Variants in COL23A1 observed in about 807,000 individuals in gnomAD.
The protein encoded by COL23A1 is collagen alpha-1(XXIII) chain.
A neutral mutation model predicts 99.3 loss-of-function variants in COL23A1; 97 were observed. The observed-to-expected ratio is 0.98, with a 90% CI of 0.83 to 1.16. COL23A1 has a LOEUF of 1.16. COL23A1 is among the 50% of genes most tolerant of loss of function. The pLI is 0.00. For missense variants in COL23A1, 762 were observed against 757.4 expected (o/e 1.01, Z -0.07); for synonymous variants, 320 against 308.2 (o/e 1.04, Z -0.40).
In COL23A1 at chr5:178,415,614, C is replaced by G. The variant is rs1765262600; in HGVS notation, c.362-108695G>C. ...CTGCTGGCACCAGAGGACAGTGCTG[C>G]CCCCATCCCGCCCTGGCTCCATGAG... On this transcript the variant is annotated intron_variant, in intron 2 of 28. Coordinates refer to ENST00000390654, the MANE Select transcript of COL23A1 (RefSeq NM_173465.4). The surrounding 1 kb of genome is among the most constrained non-coding windows in gnomAD (Gnocchi z 4.6). Among the ~76,000 whole-genome samples, 2 of 152,184 alleles carry G rather than the reference C, an allele frequency of 1.3e-5. No homozygotes were observed. The highest frequency in any genetic ancestry group is 4.8e-5 in the African/African-American group (2 of 41,454).
At chr5:178,329,763 C>T (rs1334773079) in intron 2 of COL23A1, among the ~76,000 whole-genome samples, 1 of 152,064 alleles carries the variant, frequency 6.6e-6, no homozygotes, top group African/African-American at 2.4e-5. Context: ...ATAGAGAAAC[C>T]CCATCTCTAC....
At chr5:178,456,708 A>G (rs913392693) in intron 2 of COL23A1, among the ~76,000 whole-genome samples, 25 of 151,784 alleles carry the variant, frequency 1.6e-4, no homozygotes, top group African/African-American at 6.1e-4. Context: ...CAAAATAAAC[A>G]AACTCCAGAG....
rs550712956 is a variant in COL23A1 at position 178,378,808 on chromosome 5, C to T, written c.362-71889G>A. ...AATGGAGACCGCTGGCAGGTGGCAG[C>T]GGCCGCAGGACGGAAGATCCTGAGG... On this transcript the variant is annotated intron_variant, in intron 2 of 28. Transcript: ENST00000390654. Among the ~76,000 whole-genome samples, 3 of 152,270 alleles carry T rather than the reference C, an allele frequency of 2.0e-5. No homozygotes were observed. The South Asian group carries it at 6.2e-4, about 32-fold the overall frequency.
chr5:178,451,961 T>C (rs573504181), intron 2 of COL23A1, among the ~76,000 whole-genome samples: 2 of 152,256 alleles, frequency 1.3e-5, no homozygotes, highest in East Asian at 3.9e-4. Flanking sequence ...ATAAATTTAA[T>C]ATAATTCACA....
chr5:178,469,346 G>A (rs986813205), intron 2 of COL23A1, among the ~76,000 whole-genome samples: 12 of 152,038 alleles, frequency 7.9e-5, no homozygotes, highest in African/African-American at 2.9e-4. Flanking sequence ...AGGCTCCTGC[G>A]GCTCCTCTCC....
At chr5:178,311,109 G>A (rs1260304277) in intron 2 of COL23A1, among the ~76,000 whole-genome samples, 8 of 152,146 alleles carry the variant, frequency 5.3e-5, no homozygotes, top group Non-Finnish European at 1.2e-4. Context: ...TCTGAGCTAG[G>A]GGCTGGCTGC....
At chr5:178,585,886 C>T (rs1323886794) in intron 1 of COL23A1, among the ~76,000 whole-genome samples, 2 of 152,220 alleles carry the variant, frequency 1.3e-5, no homozygotes, top group Non-Finnish European at 1.5e-5. Context: ...ATTACCCTTG[C>T]CAGTGAAGGG....
chr5:178,452,116 T>C (rs1767523634), intron 2 of COL23A1, among the ~76,000 whole-genome samples: 1 of 152,082 alleles, frequency 6.6e-6, no homozygotes, highest in African/African-American at 2.4e-5. Flanking sequence ...CGATGTATTA[T>C]AAAGTCTAGG....
chr5:178,445,533 C>T (rs1218228903), intron 2 of COL23A1, among the ~76,000 whole-genome samples: 2 of 152,090 alleles, frequency 1.3e-5, no homozygotes, highest in East Asian at 3.8e-4. Context: ...GGAAATCGTA[C>T]TAAATTTATA....
At position 178,312,126 on chromosome 5, in the gene COL23A1, C is replaced by T. The variant is rs76941138; in HGVS notation, c.362-5207G>A. Among the ~76,000 whole-genome samples the T allele has an allele frequency of 1.2e-3, 178 of 152,300 alleles. 1 individual carries two copies. Among genetic ancestry groups the T allele is most frequent in the African/African-American group, 3.9e-3 (164 of 41,552 alleles). On this transcript the variant is annotated intron_variant, in intron 2 of 28. Coordinates refer to ENST00000390654, the MANE Select transcript of COL23A1 (RefSeq NM_173465.4). Reference sequence around the variant, plus strand: ...TGCAGGCAGGTTCGAGGTGCTGAGACGCCGACGGAGCCCTTGACTGCACTT... The same window carrying T: ...TGCAGGCAGGTTCGAGGTGCTGAGATGCCGACGGAGCCCTTGACTGCACTT...
At chr5:178,479,017 ATGTG>A (rs1262174246) in intron 2 of COL23A1, among the ~76,000 whole-genome samples, 1 of 152,004 alleles carries the variant, frequency 6.6e-6, no homozygotes, top group Non-Finnish European at 1.5e-5. Flanking sequence ...TTCCTGGGCC[ATGTG>A]AGGCCCAGGG....
intron 3 of COL23A1, among the ~76,000 whole-genome samples, chr5:178,290,814 G>C (rs972445426): frequency 6.6e-6 from 1 of 152,154 alleles, no homozygotes; most frequent in East Asian, 1.9e-4. Flanking sequence ...CAGGCTTTTT[G>C]GGGGAGGGGG....
rs80236907 is a variant in COL23A1, at chr5:178,327,399, T to C, written c.362-20480A>G. On this transcript the variant is annotated intron_variant, in intron 2 of 28. Coordinates refer to ENST00000390654, the MANE Select transcript of COL23A1 (RefSeq NM_173465.4). The stretch of plus-strand genomic sequence containing the variant: ...CAGAAGGGGCTACGGAAAACACCTA[T>C]GGAAAACCTGCCCACCTCTCCCTGT... Among the ~76,000 whole-genome samples the C allele has an allele frequency of 6.9e-3, 1,053 of 152,224 alleles. 17 individuals are homozygous for C. The highest frequency in any genetic ancestry group is 0.024 in the African/African-American group (1,012 of 41,524).
At chr5:178,273,663 G>C (rs923009415) in intron 5 of COL23A1, among the ~76,000 whole-genome samples, 2 of 152,224 alleles carry the variant, frequency 1.3e-5, no homozygotes, top group South Asian at 4.1e-4. Context: ...ACAGCAGACG[G>C]GGCTGGGCCA....
intron 2 of COL23A1, among the ~76,000 whole-genome samples, chr5:178,383,572 C>T (rs764928321): frequency 8.5e-5 from 13 of 152,204 alleles, no homozygotes; most frequent in Admixed American, 4.6e-4. Flanking sequence ...AAGACTGTCC[C>T]GTTGTTTCTT....
intron 2 of COL23A1, among the ~76,000 whole-genome samples, chr5:178,397,604 A>G (rs973055378): frequency 9.8e-5 from 15 of 152,358 alleles, no homozygotes; most frequent in African/African-American, 3.6e-4. Context: ...GTTACATGCC[A>G]TAAATGCACC....
Position 178,381,290 on chromosome 5 carries a change from T to A in COL23A1, c.362-74371A>T, listed in dbSNP as rs371992195. ...TCAGGATGTAGGGAAGTGTGGAAGC[T>A]GCACCAGCCCAGGGGACCCTGCCGG... On this transcript the variant is annotated intron_variant, in intron 2 of 28. Coordinates refer to ENST00000390654, the MANE Select transcript of COL23A1 (RefSeq NM_173465.4). 7.0e-4 allele frequency among the ~76,000 whole-genome samples: 106 copies of A among 152,306 alleles called. 1 individual carries two copies. The highest frequency in any genetic ancestry group is 2.3e-3 in the African/African-American group (95 of 41,576).
In COL23A1 at chr5:178,386,592, C is replaced by A. The variant is rs116287949; in HGVS notation, c.362-79673G>T. 6.7e-3 allele frequency among the ~76,000 whole-genome samples: 1,021 copies of A among 151,560 alleles called. 8 individuals carry two copies. The highest frequency in any genetic ancestry group is 0.024 in the African/African-American group (975 of 41,314). On this transcript the variant is annotated intron_variant, in intron 2 of 28. Transcript: ENST00000390654. The stretch of plus-strand genomic sequence containing the variant: ...AGTCTGTGTGTCACCAGAGGGGGGT[C>A]GGGGTGGGTGAGTGTTTGATAAAGT...
At chr5:178,442,791 G>A (rs1766947682) in intron 2 of COL23A1, 1 of 152,610 alleles carries the variant, frequency 6.6e-6, no homozygotes, top group Admixed American at 6.5e-5. Flanking sequence ...CCCTGCTGGG[G>A]AAGGGCCTCT....
Sources: gnomAD v4.1 joint callset for allele counts (sites outside exome capture counted in the v4.1 genomes callset) on GRCh38, gnomAD v4.1.1 for gene constraint, Gnocchi (gnomAD v3.1) non-coding constraint, MANE v1.5 for transcripts, NCBI Gene and HGNC (gene_info 2026-07-23, HGNC 2026-07-21) for gene names.